Variants in PKD1L3 observed in about 807,000 individuals in gnomAD.
PKD1L3 encodes polycystin-1-like protein 3.
Under a neutral mutation model 184.1 loss-of-function variants are expected in PKD1L3, and 239 were observed. The observed-to-expected ratio is 1.30, with a 90% CI of 1.17 to 1.45. The LOEUF (loss-of-function observed/expected upper bound fraction) is 1.45. Among genes scored for constraint, PKD1L3 ranks in the 40% most tolerant of loss-of-function variants. The pLI, the probability that PKD1L3 is intolerant of heterozygous loss-of-function variation, is 0.00. For synonymous variants in PKD1L3, 996 were observed against 778.8 expected, an observed-to-expected ratio of 1.28 and a Z score of -4.64; for missense variants, 2,660 against 2,067.2, an observed-to-expected ratio of 1.29 and a Z score of -5.56.
intron 15 of PKD1L3, among the ~76,000 whole-genome samples, chr16:71,964,165 C>T (rs1567519985): frequency 1.3e-5 from 2 of 152,144 alleles, no homozygotes; most frequent in Non-Finnish European, 2.9e-5. Context: ...GTTCACACCC[C>T]TGTCCTCTGG....
intron 18 of PKD1L3, among the ~76,000 whole-genome samples, chr16:71,952,374 G>C (rs1277382674): frequency 6.6e-6 from 1 of 151,166 alleles, no homozygotes; most frequent in East Asian, 2.0e-4. Context: ...CATCACGCCT[G>C]GCTAATTATT....
chr16:71,986,416 G>A lies in PKD1L3; in HGVS notation c.639C>T (p.Ile213=), dbSNP rs1433800989. 2 of 1,551,966 alleles carry A rather than the reference G, an allele frequency of 1.3e-6. No homozygotes were observed. The highest frequency in any genetic ancestry group is 2.4e-5 in the South Asian group (2 of 84,054). ...ATGCGGCTGATGTTACCTGTGATGTGATACTTGATAGTACTGAAGGAAACT... is the reference window on the plus strand; with the variant it reads ...ATGCGGCTGATGTTACCTGTGATGTAATACTTGATAGTACTGAAGGAAACT... ...ISQFPSVLSS[I]TSQVTSAASE... Residue 213 remains isoleucine (I), a synonymous_variant, in exon 5 of 30, where the codon ATC becomes ATT. Coordinates refer to ENST00000620267, the MANE Select transcript of PKD1L3 (RefSeq NM_181536.2).
At chr16:71,981,948 A>C in intron 7 of PKD1L3, 111 bp downstream of exon 7, 3 of 1,212,402 alleles carry the variant, frequency 2.5e-6, no homozygotes, top group Non-Finnish European at 3.3e-6. Context: ...TCTGCAGCAG[A>C]AACTTCAGCA....
chr16:71,962,615 T>G (rs1418371331), intron 16 of PKD1L3, among the ~76,000 whole-genome samples: 6 of 151,990 alleles, frequency 3.9e-5, no homozygotes, highest in African/African-American at 1.5e-4. Flanking sequence ...GCCTCCCGAG[T>G]AGCTGGGATC....
At chr16:71,979,223 C>A (rs2040052538) in intron 9 of PKD1L3, among the ~76,000 whole-genome samples, 1 of 152,152 alleles carries the variant, frequency 6.6e-6, no homozygotes, top group Non-Finnish European at 1.5e-5. Flanking sequence ...GTGGGTGAAT[C>A]ACTTGAGGTC....
intron 3 of PKD1L3, among the ~76,000 whole-genome samples, chr16:71,992,690 G>A (rs1207069566): frequency 6.6e-6 from 1 of 152,120 alleles, no homozygotes; most frequent in Non-Finnish European, 1.5e-5. Flanking sequence ...ATTGCTAAGT[G>A]ATATTTAAAG....
Position 71,979,856 on chromosome 16 carries a change from A to G in PKD1L3, c.1328T>C (p.Val443Ala), listed in dbSNP as rs1188526695. The G allele has an allele frequency of 2.5e-5, 39 of 1,530,476 alleles. No homozygotes were observed. The highest frequency in any genetic ancestry group is 3.4e-5 in the Non-Finnish European group (39 of 1,142,298). The allele number at this position is 1,530,476 out of a possible 1,614,324, so 94.8% of individuals were successfully genotyped here. A position where few individuals can be genotyped will look rare whatever the true frequency, so the allele number is the denominator to read the frequency against. ...TAAAGCCGACGGAAAGCCTAGCCTC[A>G]CAGGGGCTGGGTGACCCAGAGTGTA... ...SSYTLGHPAPVRLGFPSALAL... is the reference protein window; with the variant it reads ...SSYTLGHPAPARLGFPSALAL... Residue 443 changes from valine to alanine, a missense_variant, in exon 9 of 30, where the codon GTG becomes GCG. Transcript: ENST00000620267.
Position 71,947,574 on chromosome 16 carries a change from G to C in PKD1L3, c.3636C>G (p.Phe1212Leu). 3 of 1,544,622 alleles carry C rather than the reference G, an allele frequency of 1.9e-6. No individual in the cohort carries two copies. The highest frequency in any genetic ancestry group is 1.2e-5 in the South Asian group (1 of 83,896). The stretch of plus-strand genomic sequence containing the variant: ...TCCTGCTCATCATCAGTGAGTATAA[G>C]AATGTGAAGAAGACCACCTGGGCAG... ...SQPVKVVFFTFLYSLMMSRMP... is the reference protein window; with the variant it reads ...SQPVKVVFFTLLYSLMMSRMP... Residue 1212 changes from phenylalanine (F) to leucine (L), a missense_variant, in exon 22 of 30, where the codon TTC becomes TTG. Physicochemically the swap from Phe to Leu is conservative, Grantham distance 22 (BLOSUM62 0). Coordinates refer to ENST00000620267, the MANE Select transcript of PKD1L3 (RefSeq NM_181536.2).
chr16:71,948,331 C>T (rs183058783), intron 21 of PKD1L3, among the ~76,000 whole-genome samples: 2 of 152,298 alleles, frequency 1.3e-5, no homozygotes, highest in African/African-American at 4.8e-5. Flanking sequence ...AATCCGCCTG[C>T]CTCGGCCTCC....
At chr16:71,971,291 T>C (rs952022923) in intron 12 of PKD1L3, among the ~76,000 whole-genome samples, 2 of 152,254 alleles carry the variant, frequency 1.3e-5, no homozygotes, top group African/African-American at 2.4e-5. Context: ...TTATTCTTTA[T>C]GGCTTTCCAT....
intron 28 of PKD1L3, among the ~76,000 whole-genome samples, chr16:71,931,652 C>T (rs146734478): frequency 8.2e-4 from 125 of 151,650 alleles, no homozygotes; most frequent in African/African-American, 2.7e-3. Flanking sequence ...TTAGTAGAGA[C>T]GGGATTTTAC....
chr16:71,957,064 G>A (rs2039076070), intron 16 of PKD1L3, among the ~76,000 whole-genome samples: 1 of 152,142 alleles, frequency 6.6e-6, no homozygotes, highest in Non-Finnish European at 1.5e-5. Context: ...AATCCAGCTA[G>A]GTTTTCATAA....
At chr16:71,945,128 C>G (rs1160859809) in intron 22 of PKD1L3, among the ~76,000 whole-genome samples, 1 of 150,118 alleles carries the variant, frequency 6.7e-6, no homozygotes, top group Non-Finnish European at 1.5e-5. Flanking sequence ...TAGAAACAAA[C>G]TGTTCTAGTC....
chr16:71,983,663 C>CTTTTTTTTTTTTTTTTTTT (rs1180950058), intron 6 of PKD1L3, among the ~76,000 whole-genome samples: 16 of 100,334 alleles, frequency 1.6e-4, no homozygotes, highest in African/African-American at 6.2e-4. Context: ...GATTCTCTTT[C>CTTTTTTTTTTTTTTTTTTT]TTTTTTTTTT....
chr16:71,985,184 G>A (rs1028804201), intron 5 of PKD1L3, among the ~76,000 whole-genome samples: 4 of 151,992 alleles, frequency 2.6e-5, no homozygotes, highest in Admixed American at 2.6e-4. Flanking sequence ...CTGTACTTCA[G>A]GATTTCCAAG....
intron 11 of PKD1L3, 134 bp downstream of exon 11, chr16:71,977,102 A>G (rs1033215924): frequency 5.7e-6 from 4 of 700,552 alleles, no homozygotes; most frequent in Non-Finnish European, 9.6e-6. Flanking sequence ...AGTCCCAGCT[A>G]CTTAAGAGGC....
Position 71,978,253 on chromosome 16 carries a change from A to G in PKD1L3, c.1527+2T>C, listed in dbSNP as rs987434847. 3 of 1,548,246 alleles carry G rather than the reference A, an allele frequency of 1.9e-6. No individual in the cohort carries two copies. The highest frequency in any genetic ancestry group is 2.8e-5 in the African/African-American group (2 of 72,718). ...TTTTATTCCCTAAGAATCAGTTCCTACCTCAATGTCCTCCATTAAATCATG... is the reference window on the plus strand; with the variant it reads ...TTTTATTCCCTAAGAATCAGTTCCTGCCTCAATGTCCTCCATTAAATCATG... On this transcript the variant is annotated splice_donor_variant, in intron 10 of 29. Coordinates refer to ENST00000620267, the MANE Select transcript of PKD1L3 (RefSeq NM_181536.2). LOFTEE classifies it high-confidence loss of function.
rs7185272 is a variant in PKD1L3, at chr16:71,979,898, G to A, written c.1286C>T (p.Thr429Ile). The change falls in exon 9 of 30, where the codon ACT (threonine) becomes ATT (isoleucine). Residue 429 changes from threonine to isoleucine, a missense_variant. Transcript: ENST00000620267. ...TLLLSRQNISTLPLSSYTLGH... is the reference protein window; with the variant it reads ...TLLLSRQNISILPLSSYTLGH... ...CAGAGTGTAAGAGCTCAGCGGTAAA[G>A]TTGATATGTTTTGTCTAATGAGAAA... 7 of 1,549,636 alleles carry A rather than the reference G, an allele frequency of 4.5e-6. No individual in the cohort carries two copies. The highest frequency in any genetic ancestry group is 2.0e-5 in the Admixed American group (1 of 50,222).
rs199651525 is a variant in PKD1L3 at position 71,934,467 on chromosome 16, G to A, written c.4614-342C>T. Among the ~76,000 whole-genome samples, 6 of 152,154 alleles carry A rather than the reference G, an allele frequency of 3.9e-5. No individual in the cohort carries two copies. The East Asian group carries it at 1.2e-3, about 29-fold the overall frequency. ...CTGAGCCAAATCTCTCCTCTCAAAA[G>A]GAGATTAACTCAGCCCAGAGAGAGG... On this transcript the variant is annotated intron_variant, in intron 26 of 29. Coordinates refer to ENST00000620267, the MANE Select transcript of PKD1L3 (RefSeq NM_181536.2).
Sources: allele counts gnomAD v4.1 joint callset (sites outside exome capture counted in the v4.1 genomes callset), GRCh38; gene constraint gnomAD v4.1.1; transcripts MANE v1.5; gene names NCBI Gene and HGNC (gene_info 2026-07-23, HGNC 2026-07-21).